TSPAN9: variants seen among roughly 807,000 people sequenced by gnomAD.
TSPAN9 encodes the protein tetraspanin-9.
TSPAN9 carries 16 observed loss-of-function variants against 31.0 expected under a neutral mutation model. The ratio of observed to expected loss-of-function variants is 0.52; its 90% CI spans 0.35 to 0.78. The LOEUF is 0.78. Among genes scored for constraint, TSPAN9 ranks in the 30% least tolerant of loss-of-function variants. The pLI is 0.01. For missense variants in TSPAN9, 272 were observed against 312.5 expected, an observed-to-expected ratio of 0.87 and a Z score of 0.98; for synonymous variants, 145 against 121.6, an observed-to-expected ratio of 1.19 and a Z score of -1.27.
rs1186282466 is a variant in TSPAN9, at chr12:3,255,056, C to T, written c.64-23365C>T. 2.0e-5 allele frequency among the ~76,000 whole-genome samples: 3 copies of T among 152,206 alleles called. No homozygotes were observed. In the East Asian group the frequency reaches 5.8e-4, roughly 29 times the overall value. On this transcript the variant is annotated intron_variant, in intron 3 of 8. Transcript: ENST00000011898. ...ATCTCCCCACCCTGTGAGCTTCCTG[C>T]TGCAGTCTTCAGCTCCCCTTTGTCC... is the stretch of plus-strand genomic sequence containing the variant.
chr12:3,186,995 T>C (rs1215764656), intron 2 of TSPAN9, among the ~76,000 whole-genome samples: 1 of 152,108 alleles, frequency 6.6e-6, no homozygotes, highest in African/African-American at 2.4e-5. Context: ...TAGCTTGAAA[T>C]TGGCTGTGGT....
intron 2 of TSPAN9, among the ~76,000 whole-genome samples, chr12:3,105,856 TC>T (rs2098314347): frequency 7.0e-6 from 1 of 142,042 alleles, no homozygotes; most frequent in Admixed American, 6.8e-5. Flanking sequence ...TCACACACGT[TC>T]ACACACACAC....
intron 3 of TSPAN9, among the ~76,000 whole-genome samples, chr12:3,233,148 C>T (rs951418624): frequency 6.6e-6 from 1 of 152,182 alleles, no homozygotes; most frequent in African/African-American, 2.4e-5. Context: ...GGCCACCTGT[C>T]GTCTCATTCC....
chr12:3,228,616 G>T (rs1158835749), intron 3 of TSPAN9, among the ~76,000 whole-genome samples: 1 of 152,254 alleles, frequency 6.6e-6, no homozygotes, highest in Non-Finnish European at 1.5e-5. Flanking sequence ...GCTGAGCCCT[G>T]TGCTGCCTGG....
intron 2 of TSPAN9, among the ~76,000 whole-genome samples, chr12:3,097,966 C>T (rs796233185): frequency 1.3e-5 from 2 of 152,312 alleles, no homozygotes; most frequent in African/African-American, 4.8e-5. Flanking sequence ...TCAGTGATGC[C>T]GGGGTCTGTC....
At chr12:3,086,866 G>A (rs1054231992) in intron 2 of TSPAN9, among the ~76,000 whole-genome samples, 1 of 152,240 alleles carries the variant, frequency 6.6e-6, no homozygotes, top group African/African-American at 2.4e-5. Context: ...TTGAGCCCTC[G>A]TGGGCAGTGA....
At position 3,283,812 on chromosome 12, in the gene TSPAN9, ACACCCAGGAG is replaced by A. The variant is rs1862953403; in HGVS notation, c.*697_*706del. ...CTCAATCAGGACAGACCACCGTGCG[ACACCCAGGAG>A]GCTCTCGGATGGGGCGCGCCTGCGC... On this transcript the variant is annotated 3_prime_UTR_variant, in exon 9 of 9. Coordinates refer to ENST00000011898, the MANE Select transcript of TSPAN9 (RefSeq NM_006675.5). 1 of 152,526 alleles carries A rather than the reference ACACCCAGGAG, an allele frequency of 6.6e-6. No individual in the cohort carries two copies. Among genetic ancestry groups the A allele is most frequent in the African/African-American group, 2.4e-5 (1 of 41,446 alleles). The allele number at this position is 152,526 out of a possible 1,614,324, so 9.4% of individuals were successfully genotyped here. A position where few individuals can be genotyped will look rare whatever the true frequency, so the allele number is the denominator to read the frequency against.
intron 3 of TSPAN9, among the ~76,000 whole-genome samples, chr12:3,254,413 G>C (rs568658783): frequency 2.0e-5 from 3 of 152,172 alleles, no homozygotes; most frequent in African/African-American, 2.4e-5. Flanking sequence ...GAAAATGGAC[G>C]CGAGTGCCCA....
chr12:3,161,607 C>A (rs1257279015), intron 2 of TSPAN9, among the ~76,000 whole-genome samples: 1 of 152,196 alleles, frequency 6.6e-6, no homozygotes, highest in Non-Finnish European at 1.5e-5. Context: ...TTGGAAAATG[C>A]CCTTTCCTGC....
rs183642616 is a variant in TSPAN9 at position 3,083,226 on chromosome 12, C to T, written c.-84-427C>T. Among the ~76,000 whole-genome samples the T allele has an allele frequency of 9.9e-4, 151 of 152,292 alleles. 1 individual carries two copies. In the East Asian group the frequency reaches 0.013, roughly 13 times the overall value. On this transcript the variant is annotated intron_variant, in intron 1 of 8. Coordinates refer to ENST00000011898, the MANE Select transcript of TSPAN9 (RefSeq NM_006675.5). ...CTTTATATTGACCTCATAGCGTACG[C>T]GATGCAAACACATCTCAGTGAGTTT...
chr12:3,112,549 TTG>T (rs35525666), intron 2 of TSPAN9, among the ~76,000 whole-genome samples: 48,100 of 151,272 alleles, frequency 0.32, 7,843 homozygotes, highest in Middle Eastern at 0.44. Context: ...GGTTAAAAGT[TTG>T]TCAATTTTGT....
rs2098349640 is a variant in TSPAN9 at position 3,168,188 on chromosome 12, G to A, written c.-17-32989G>A. ...GGCAGGAGTAGCACCGGTCATCCTT[G>A]GCAGAGAATCATTCGCTCTTTTCTC... On this transcript the variant is annotated intron_variant, in intron 2 of 8. Transcript: ENST00000011898. The surrounding 1 kb of genome is among the most constrained non-coding windows in gnomAD (Gnocchi z 4.0). 6.6e-6 allele frequency among the ~76,000 whole-genome samples: 1 copy of A among 152,180 alleles called. No homozygotes were observed. The highest frequency in any genetic ancestry group is 1.5e-5 in the Non-Finnish European group (1 of 68,030).
intron 2 of TSPAN9, among the ~76,000 whole-genome samples, chr12:3,102,321 T>G (rs79933713): frequency 0.039 from 5,847 of 151,616 alleles, 390 homozygotes; most frequent in African/African-American, 0.13. Flanking sequence ...AGAGGCGGAG[T>G]CTTGCTATTT....
chr12:3,135,727 C>T (rs781488975), intron 2 of TSPAN9, among the ~76,000 whole-genome samples: 1 of 152,296 alleles, frequency 6.6e-6, no homozygotes, highest in East Asian at 1.9e-4. Flanking sequence ...GATCAGCCAT[C>T]GCCCCTTGAT....
At chr12:3,185,699 G>A (rs956949665) in intron 2 of TSPAN9, among the ~76,000 whole-genome samples, 2 of 152,262 alleles carry the variant, frequency 1.3e-5, no homozygotes, top group Admixed American at 6.5e-5. Context: ...GGGCATGTGG[G>A]GAGCCCGCCT....
intron 3 of TSPAN9, among the ~76,000 whole-genome samples, chr12:3,273,470 C>G (rs1383389712): frequency 1.3e-5 from 2 of 152,128 alleles, no homozygotes; most frequent in East Asian, 1.9e-4. Context: ...TGCCTGGGGC[C>G]CAATCCCCTG....
chr12:3,227,091 T>C (rs1285058913), intron 3 of TSPAN9, among the ~76,000 whole-genome samples: 1 of 151,934 alleles, frequency 6.6e-6, no homozygotes, highest in Non-Finnish European at 1.5e-5. Flanking sequence ...GGCCTCTGCC[T>C]GTACCTACAC....
chr12:3,167,995 A>G (rs1406452591), intron 2 of TSPAN9, among the ~76,000 whole-genome samples: 1 of 151,728 alleles, frequency 6.6e-6, no homozygotes, highest in Non-Finnish European at 1.5e-5. Flanking sequence ...TCCTGGGAGG[A>G]TTGGGGTCAG....
chr12:3,110,897 A>G lies in TSPAN9; in HGVS notation c.-18+27178A>G, dbSNP rs549939997. 3.3e-5 allele frequency among the ~76,000 whole-genome samples: 5 copies of G among 152,330 alleles called. No individual in the cohort carries two copies. The South Asian group carries it at 1.0e-3, about 32-fold the overall frequency. The stretch of plus-strand genomic sequence containing the variant: ...GTAGTGAACATGTGTTGATTCTTCA[A>G]TTTTTAACCAGGAGTTAAATGAACA... On this transcript the variant is annotated intron_variant, in intron 2 of 8. Coordinates refer to ENST00000011898, the MANE Select transcript of TSPAN9 (RefSeq NM_006675.5).
Sources: allele counts gnomAD v4.1 joint callset (sites outside exome capture counted in the v4.1 genomes callset), GRCh38; gene constraint gnomAD v4.1.1; non-coding constraint Gnocchi (gnomAD v3.1); transcripts MANE v1.5; gene names NCBI Gene and HGNC (gene_info 2026-07-23, HGNC 2026-07-21).